Variants in KIRREL3 observed in about 807,000 individuals in gnomAD.
KIRREL3 encodes the protein kirre like nephrin family adhesion molecule 3.
A neutral mutation model predicts 89.7 loss-of-function variants in KIRREL3; 36 were observed. The ratio of observed to expected loss-of-function variants is 0.40; its 90% CI spans 0.31 to 0.53. The LOEUF is 0.53. Among genes scored for constraint, KIRREL3 ranks in the 20% least tolerant of loss-of-function variants. The probability of loss-of-function intolerance (pLI) is 0.49; values close to 1 mark genes in which losing one functional copy is unlikely to be tolerated. For synonymous variants in KIRREL3, 445 were observed against 441.4 expected, an observed-to-expected ratio of 1.01 and a Z score of -0.10; for missense variants, 864 against 1,056.6, an observed-to-expected ratio of 0.82 and a Z score of 2.53.
At chr11:126,434,282 A>T (rs1006477302) in intron 13 of KIRREL3, among the ~76,000 whole-genome samples, 3 of 151,914 alleles carry the variant, frequency 2.0e-5, no homozygotes, top group African/African-American at 7.3e-5. Flanking sequence ...CCGAGGGGGG[A>T]AGGTGTTGGG....
chr11:126,845,260 G>A (rs1410105969), intron 1 of KIRREL3, among the ~76,000 whole-genome samples: 1 of 152,108 alleles, frequency 6.6e-6, no homozygotes, highest in Admixed American at 6.5e-5. Context: ...GGGTCACTAG[G>A]GCTGCTCAGG....
Position 126,726,021 on chromosome 11 carries a change from A to C in KIRREL3, c.56-163109T>G, listed in dbSNP as rs889832359. Among the ~76,000 whole-genome samples the C allele has an allele frequency of 7.2e-5, 11 of 152,276 alleles. 1 individual carries two copies. In the East Asian group the frequency reaches 2.1e-3, roughly 30 times the overall value. ...TTGAATGAATCAAAGCAAATCTATAAAGATAAGCATGGAAACATGTGGACT... is the reference window on the plus strand; with the variant it reads ...TTGAATGAATCAAAGCAAATCTATACAGATAAGCATGGAAACATGTGGACT... On this transcript the variant is annotated intron_variant, in intron 1 of 16. Transcript: ENST00000525144.
At chr11:126,998,773 A>G (rs1398451560) in intron 1 of KIRREL3, among the ~76,000 whole-genome samples, 1 of 152,194 alleles carries the variant, frequency 6.6e-6, no homozygotes, top group East Asian at 1.9e-4. Flanking sequence ...CTAACTACAC[A>G]AAAGGCTGAT....
In KIRREL3 at chr11:126,557,730, C is replaced by CAG. The variant is rs759415649; in HGVS notation, c.133+5104_133+5105insCT. ...GCTGTCGAAGAAATGAGATTCTCAA[C>CAG]CTCCCAGGGCTCTGACTCCCCTGTA... On this transcript the variant is annotated intron_variant, in intron 2 of 16. Coordinates refer to ENST00000525144, the MANE Select transcript of KIRREL3 (RefSeq NM_032531.4). The surrounding 1 kb of genome is among the most constrained non-coding windows in gnomAD (Gnocchi z 5.6). Among the ~76,000 whole-genome samples the CAG allele has an allele frequency of 3.9e-4, 59 of 152,316 alleles. 1 individual carries two copies. Among genetic ancestry groups the CAG allele is most frequent in the Non-Finnish European group, 6.3e-4 (43 of 68,026 alleles).
At chr11:126,595,265 G>C (rs1007787272) in intron 1 of KIRREL3, among the ~76,000 whole-genome samples, 1 of 152,290 alleles carries the variant, frequency 6.6e-6, no homozygotes, top group South Asian at 2.1e-4. Context: ...TCTCCAGCCT[G>C]GCTCTGGAGA....
rs1325269505 is a variant in KIRREL3 at position 126,463,305 on chromosome 11, G to A, written c.594C>T (p.Thr198=). 6.2e-7 allele frequency: 1 copy of A among 1,612,594 alleles called. No individual in the cohort carries two copies. Among genetic ancestry groups the A allele is most frequent in the Non-Finnish European group, 8.5e-7 (1 of 1,178,900 alleles). ...TCTCCCGCTTGCCGTCCCGAAGCAG[G>A]GTCTTGGGAGAAAGGGAAAGGGGAG... is the stretch of plus-strand genomic sequence containing the variant. ...EVINGATYSK[T]LLRDGKRESI... Residue 198 remains threonine (T), a splice_region_variant and synonymous_variant, in exon 6 of 17, where the codon ACC becomes ACT. Transcript: ENST00000525144. The surrounding 1 kb of genome is among the most constrained non-coding windows in gnomAD (Gnocchi z 5.9).
Position 126,475,195 on chromosome 11 carries a change from C to T in KIRREL3, c.434-1729G>A, listed in dbSNP as rs1957030990. ...CCCGCCCTTCTATGCAGGCTCTGTG[C>T]TCGGGGCTCTGGGCTGGAGAAGTTC... is the stretch of plus-strand genomic sequence containing the variant. On this transcript the variant is annotated intron_variant, in intron 4 of 16. Transcript: ENST00000525144. The surrounding 1 kb of genome is among the most constrained non-coding windows in gnomAD (Gnocchi z 7.5). Among the ~76,000 whole-genome samples, 1 of 152,210 alleles carries T rather than the reference C, an allele frequency of 6.6e-6. No individual in the cohort carries two copies. The highest frequency in any genetic ancestry group is 2.1e-4 in the South Asian group (1 of 4,834).
intron 1 of KIRREL3, among the ~76,000 whole-genome samples, chr11:126,700,300 G>A (rs1947265326): frequency 6.6e-6 from 1 of 152,158 alleles, no homozygotes; most frequent in South Asian, 2.1e-4. Context: ...ACAAGTATAT[G>A]TACACACACA....
chr11:126,824,967 C>A lies in KIRREL3; in HGVS notation c.55+175488G>T, dbSNP rs762878445. The stretch of plus-strand genomic sequence containing the variant: ...GACAAATTGTGAGGGACGTATGTAG[C>A]CTTTTTAATCTTTGTAGTTATCTTA... On this transcript the variant is annotated intron_variant, in intron 1 of 16. Transcript: ENST00000525144. Among the ~76,000 whole-genome samples, 27 of 152,256 alleles carry A rather than the reference C, an allele frequency of 1.8e-4. No individual in the cohort carries two copies. In the Middle Eastern group the frequency reaches 0.014, roughly 77 times the overall value.
chr11:126,631,478 C>G (rs1220070943), intron 1 of KIRREL3, among the ~76,000 whole-genome samples: 1 of 152,160 alleles, frequency 6.6e-6, no homozygotes, highest in East Asian at 1.9e-4. Context: ...CCCTCCTCCC[C>G]ATAAGCCACA....
intron 1 of KIRREL3, among the ~76,000 whole-genome samples, chr11:126,692,522 G>A (rs1946915797): frequency 9.0e-6 from 1 of 110,678 alleles, no homozygotes; most frequent in African/African-American, 3.5e-5. Flanking sequence ...TCCAGCCTGG[G>A]TGACAGACCA....
At chr11:126,944,013 G>A (rs537792395) in intron 1 of KIRREL3, among the ~76,000 whole-genome samples, 1 of 152,294 alleles carries the variant, frequency 6.6e-6, no homozygotes, top group East Asian at 1.9e-4. Flanking sequence ...CCTGAAGCAG[G>A]TGGTAAGATT....
At chr11:126,813,897 G>C (rs1372138718) in intron 1 of KIRREL3, among the ~76,000 whole-genome samples, 2 of 152,026 alleles carry the variant, frequency 1.3e-5, no homozygotes, top group African/African-American at 4.8e-5. Flanking sequence ...TGCAACAAAA[G>C]CAAAAATTGA....
intron 1 of KIRREL3, among the ~76,000 whole-genome samples, chr11:126,833,179 G>T (rs1481706960): frequency 6.6e-6 from 1 of 152,164 alleles, no homozygotes; most frequent in Non-Finnish European, 1.5e-5. Context: ...TCCTGCAAGA[G>T]GCACAAGGAT....
chr11:126,803,787 T>C (rs985725944), intron 1 of KIRREL3, among the ~76,000 whole-genome samples: 3 of 152,182 alleles, frequency 2.0e-5, no homozygotes, highest in Non-Finnish European at 4.4e-5. Flanking sequence ...TTGTTTTATG[T>C]TCAATTTGTT....
Position 126,620,870 on chromosome 11 carries a change from A to G in KIRREL3, c.56-57958T>C, listed in dbSNP as rs1271106680. Reference sequence around the variant, plus strand: ...AAGGCCGTACCCCACTTGCTGGATGAGAACATACTGACAAATAGGCCTAAG... The same window carrying G: ...AAGGCCGTACCCCACTTGCTGGATGGGAACATACTGACAAATAGGCCTAAG... On this transcript the variant is annotated intron_variant, in intron 1 of 16. Coordinates refer to ENST00000525144, the MANE Select transcript of KIRREL3 (RefSeq NM_032531.4). This position sits in a 1 kb window ranked among gnomAD's most constrained non-coding sequence, Gnocchi z 4.8. Among the ~76,000 whole-genome samples the G allele has an allele frequency of 6.6e-6, 1 of 152,210 alleles. No individual in the cohort carries two copies. Among genetic ancestry groups the G allele is most frequent in the African/African-American group, 2.4e-5 (1 of 41,460 alleles).
intron 1 of KIRREL3, among the ~76,000 whole-genome samples, chr11:126,706,577 G>A (rs1159209621): frequency 6.6e-6 from 1 of 152,100 alleles, no homozygotes; most frequent in Non-Finnish European, 1.5e-5. Context: ...TCTTCCAAAG[G>A]TACCATGCCA....
Position 126,609,568 on chromosome 11 carries a change from C to T in KIRREL3, c.56-46656G>A, listed in dbSNP as rs1943036310. 6.6e-6 allele frequency among the ~76,000 whole-genome samples: 1 copy of T among 152,154 alleles called. No homozygotes were observed. The highest frequency in any genetic ancestry group is 6.5e-5 in the Admixed American group (1 of 15,286). ...GGGAATGTGCCTGAGATCAGACAGC[C>T]TTGCACTAAGCTCAGCTCCTTTCTG... On this transcript the variant is annotated intron_variant, in intron 1 of 16. Transcript: ENST00000525144. This position sits in a 1 kb window ranked among gnomAD's most constrained non-coding sequence, Gnocchi z 5.0.
At chr11:126,467,927 G>A (rs201097091) in intron 5 of KIRREL3, among the ~76,000 whole-genome samples, 1 of 152,162 alleles carries the variant, frequency 6.6e-6, no homozygotes, top group African/African-American at 2.4e-5. Flanking sequence ...GCCCAGTGGA[G>A]GGTGAGGGCC....
Sources: gnomAD v4.1 joint callset for allele counts (sites outside exome capture counted in the v4.1 genomes callset) on GRCh38, gnomAD v4.1.1 for gene constraint, Gnocchi (gnomAD v3.1) non-coding constraint, MANE v1.5 for transcripts, NCBI Gene and HGNC (gene_info 2026-07-23, HGNC 2026-07-21) for gene names.